RBMS3: variants seen among roughly 807,000 people sequenced by gnomAD.
The protein encoded by RBMS3 is RNA-binding motif, single-stranded-interacting protein 3.
Under a neutral mutation model 66.8 loss-of-function variants are expected in RBMS3, and 27 were observed. The ratio of observed to expected loss-of-function variants is 0.40; its 90% CI spans 0.30 to 0.56. RBMS3 has a LOEUF of 0.56. Ranked by LOEUF, RBMS3 falls within the 20% of genes least tolerant of loss-of-function variation. RBMS3 has a pLI of 0.40. For synonymous variants in RBMS3, 188 were observed against 183.0 expected (o/e 1.03, Z -0.22); for missense variants, 513 against 549.5 (o/e 0.93, Z 0.66).
At chr3:29,679,054 A>C (rs1196820198) in intron 4 of RBMS3, among the ~76,000 whole-genome samples, 5 of 152,122 alleles carry the variant, frequency 3.3e-5, no homozygotes, top group Non-Finnish European at 1.5e-5. Flanking sequence ...TCCTAGAATC[A>C]CAGCTTCAGA....
intron 3 of RBMS3, among the ~76,000 whole-genome samples, chr3:29,508,640 G>C (rs1161151697): frequency 6.6e-6 from 1 of 152,006 alleles, no homozygotes; most frequent in Non-Finnish European, 1.5e-5. Context: ...TTGCTACTGT[G>C]AATAGTGCTG....
intron 1 of RBMS3, among the ~76,000 whole-genome samples, chr3:29,424,458 A>G (rs2040864034): frequency 6.6e-6 from 1 of 152,204 alleles, no homozygotes; most frequent in Admixed American, 6.5e-5. Context: ...AGATGTGACT[A>G]TGGTGTGGTT....
chr3:29,482,626 A>G (rs188003936), intron 2 of RBMS3, among the ~76,000 whole-genome samples: 1 of 150,990 alleles, frequency 6.6e-6, no homozygotes, highest in East Asian at 2.0e-4. Context: ...AGTTGTTACT[A>G]TATTGGCTAA....
At chr3:29,486,339 G>A (rs1006938150) in intron 2 of RBMS3, among the ~76,000 whole-genome samples, 1 of 152,082 alleles carries the variant, frequency 6.6e-6, no homozygotes, top group Non-Finnish European at 1.5e-5. Flanking sequence ...ACGGAGCCAT[G>A]GAATGAAATT....
intron 3 of RBMS3, among the ~76,000 whole-genome samples, chr3:29,530,828 C>T (rs1018423464): frequency 7.3e-5 from 11 of 151,036 alleles, no homozygotes; most frequent in Admixed American, 3.3e-4. Context: ...GCTGAGATCG[C>T]GCCACTACAC....
At chr3:29,933,235 G>A (rs1414440260) in intron 10 of RBMS3, among the ~76,000 whole-genome samples, 1 of 152,168 alleles carries the variant, frequency 6.6e-6, no homozygotes, top group Non-Finnish European at 1.5e-5. Flanking sequence ...GGATTTGACA[G>A]TGTATTTAAT....
chr3:29,645,187 C>T (rs1246722819), intron 4 of RBMS3, among the ~76,000 whole-genome samples: 2 of 152,172 alleles, frequency 1.3e-5, no homozygotes, highest in Admixed American at 1.3e-4. Flanking sequence ...ATATTAAGAG[C>T]TTGTTTGAGC....
At chr3:29,737,831 AGTGTGT>A (rs3070725) in intron 4 of RBMS3, among the ~76,000 whole-genome samples, 12,496 of 145,740 alleles carry the variant, frequency 0.086, 542 homozygotes, top group Admixed American at 0.096. Context: ...GTGATAGTGG[AGTGTGT>A]GTGTGTGTGT....
chr3:29,437,225 T>G (rs2041435138), intron 2 of RBMS3, among the ~76,000 whole-genome samples: 1 of 152,202 alleles, frequency 6.6e-6, no homozygotes, highest in Non-Finnish European at 1.5e-5. Context: ...ATCCTGCAAA[T>G]CAGAGCTTTT....
chr3:29,921,219 C>T (rs1356686137), intron 10 of RBMS3, among the ~76,000 whole-genome samples: 10 of 151,768 alleles, frequency 6.6e-5, no homozygotes, highest in African/African-American at 1.9e-4. Context: ...CCCGCCACCA[C>T]GCCTGGCTAA....
chr3:29,530,672 C>T (rs1022622225), intron 3 of RBMS3, among the ~76,000 whole-genome samples: 3 of 131,376 alleles, frequency 2.3e-5, no homozygotes, highest in African/African-American at 8.7e-5. Context: ...CCAGCCTGGC[C>T]AACATGGTGA....
chr3:29,492,829 A>C (rs139872379), intron 3 of RBMS3, among the ~76,000 whole-genome samples: 493 of 152,332 alleles, frequency 3.2e-3, no homozygotes, highest in Non-Finnish European at 5.5e-3. Flanking sequence ...AGCAATATGC[A>C]GTGATAGTTT....
intron 3 of RBMS3, among the ~76,000 whole-genome samples, chr3:29,516,067 G>A (rs1304931063): frequency 1.3e-5 from 2 of 152,128 alleles, no homozygotes; most frequent in African/African-American, 2.4e-5. Flanking sequence ...AGTGGGGACA[G>A]GATTTAGGAA....
intron 2 of RBMS3, among the ~76,000 whole-genome samples, chr3:29,469,145 T>C (rs1057112886): frequency 6.6e-6 from 1 of 152,160 alleles, no homozygotes; most frequent in Non-Finnish European, 1.5e-5. Context: ...CCATCAAGTT[T>C]CATTAATGCA....
At chr3:29,956,593 G>C (rs151318967) in intron 12 of RBMS3, among the ~76,000 whole-genome samples, 1 of 152,048 alleles carries the variant, frequency 6.6e-6, no homozygotes, top group South Asian at 2.1e-4. Context: ...GAGAAAAAGT[G>C]GGGGAGGTAA....
chr3:29,625,633 G>A (rs2049032060), intron 4 of RBMS3, among the ~76,000 whole-genome samples: 1 of 151,862 alleles, frequency 6.6e-6, no homozygotes, highest in Non-Finnish European at 1.5e-5. Context: ...GGGAGGTGGG[G>A]GTTGCAGTGA....
chr3:29,350,721 G>T (rs940575950), intron 1 of RBMS3, among the ~76,000 whole-genome samples: 3 of 152,010 alleles, frequency 2.0e-5, no homozygotes, highest in African/African-American at 7.2e-5. Context: ...TTGTTTAGGG[G>T]AATAGTTTTA....
At chr3:29,328,935 A>T (rs1297713628) in intron 1 of RBMS3, among the ~76,000 whole-genome samples, 1 of 152,198 alleles carries the variant, frequency 6.6e-6, no homozygotes, top group Non-Finnish European at 1.5e-5. Context: ...GAAACATGAA[A>T]GAGTGTTCAG....
chr3:29,512,660 G>A (rs1437763983), intron 3 of RBMS3, among the ~76,000 whole-genome samples: 3 of 151,324 alleles, frequency 2.0e-5, no homozygotes, highest in Non-Finnish European at 2.9e-5. Flanking sequence ...AAATAAAAAC[G>A]AAATAACCCA....
Sources: allele counts gnomAD v4.1 joint callset (sites outside exome capture counted in the v4.1 genomes callset), GRCh38; gene constraint gnomAD v4.1.1; transcripts MANE v1.5; gene names NCBI Gene and HGNC (gene_info 2026-07-23, HGNC 2026-07-21).